CACNB2: variants seen among roughly 807,000 people sequenced by gnomAD.
CACNB2 encodes voltage-dependent L-type calcium channel subunit beta-2.
Under a neutral mutation model 73.3 loss-of-function variants are expected in CACNB2, and 42 were observed. The ratio of observed to expected loss-of-function variants is 0.57; its 90% CI spans 0.45 to 0.74. The LOEUF is 0.74. Ranked by LOEUF, CACNB2 falls within the 30% of genes least tolerant of loss-of-function variation. The pLI, the probability that CACNB2 is intolerant of heterozygous loss-of-function variation, is 0.00. For synonymous variants in CACNB2, 348 were observed against 310.3 expected (o/e 1.12, Z -1.28); for missense variants, 940 against 853.0 (o/e 1.10, Z -1.27).
intron 3 of CACNB2, among the ~76,000 whole-genome samples, chr10:18,484,279 A>G (rs1209764144): frequency 6.6e-6 from 1 of 151,988 alleles, no homozygotes; most frequent in Non-Finnish European, 1.5e-5. Flanking sequence ...CTATAATCCC[A>G]GCTACTTGGG....
chr10:18,337,285 A>G (rs1031438045), intron 2 of CACNB2, among the ~76,000 whole-genome samples: 1 of 152,028 alleles, frequency 6.6e-6, no homozygotes, highest in African/African-American at 2.4e-5. Flanking sequence ...ATGCACCACT[A>G]TGCCTGAGGT....
intron 2 of CACNB2, among the ~76,000 whole-genome samples, chr10:18,305,832 A>G (rs1054698031): frequency 6.6e-6 from 1 of 152,128 alleles, no homozygotes; most frequent in Non-Finnish European, 1.5e-5. Flanking sequence ...TCACGTGTTA[A>G]GAGGCTGCAT....
At chr10:18,168,567 A>T (rs2033025546) in intron 2 of CACNB2, among the ~76,000 whole-genome samples, 1 of 151,522 alleles carries the variant, frequency 6.6e-6, no homozygotes, top group Admixed American at 6.6e-5. Flanking sequence ...TAAGGAGCTA[A>T]ATTTTGAATA....
At chr10:18,319,552 C>T (rs955686283) in intron 2 of CACNB2, among the ~76,000 whole-genome samples, 11 of 152,062 alleles carry the variant, frequency 7.2e-5, no homozygotes, top group African/African-American at 2.4e-4. Context: ...CACCATGGCA[C>T]ATGCATACCT....
At chr10:18,453,853 T>C (rs1487848652) in intron 3 of CACNB2, among the ~76,000 whole-genome samples, 1 of 152,168 alleles carries the variant, frequency 6.6e-6, no homozygotes, top group Non-Finnish European at 1.5e-5. Context: ...CTCCTGTTTG[T>C]CAAACTTCTG....
At position 18,538,234 on chromosome 10, in the gene CACNB2, C is replaced by T. The variant is rs145638628; in HGVS notation, c.1357C>T (p.Leu453Phe). The T allele has an allele frequency of 5.2e-4, 843 of 1,614,012 alleles. No homozygotes were observed. The highest frequency in any genetic ancestry group is 6.7e-4 in the Non-Finnish European group (796 of 1,180,018). The change falls in exon 13 of 14, where the codon CTT becomes TTT. Residue 453 changes from leucine (L) to phenylalanine (F), a missense_variant. By Grantham distance (22) the Leu-to-Phe change is conservative. Transcript: ENST00000324631. ...ENQLEDACEH[L>F]ADYLEAYWKA... ...CCAGCTTGAGGATGCCTGTGAGCAC[C>T]TTGCCGACTATCTGGAGGCCTACTG...
intron 1 of CACNB2, among the ~76,000 whole-genome samples, chr10:18,143,914 T>C (rs1317058800): frequency 6.6e-6 from 1 of 152,202 alleles, no homozygotes; most frequent in Non-Finnish European, 1.5e-5. Flanking sequence ...AAGCAGAAGA[T>C]GTAGATTTGC....
intron 2 of CACNB2, among the ~76,000 whole-genome samples, chr10:18,173,787 G>T (rs2033406060): frequency 1.3e-5 from 2 of 152,156 alleles, no homozygotes; most frequent in Admixed American, 6.5e-5. Context: ...GTTTGTATCT[G>T]GTGGTAGGGC....
chr10:18,500,740 G>A lies in CACNB2; in HGVS notation c.457-72G>A, dbSNP rs1172640162. On this transcript the variant is annotated intron_variant, in intron 4 of 13. Transcript: ENST00000324631. ...GGTCATTGCCATATTTCTCTCGACTGAAAATAGTGTGGAAGAACAAGGATT... is the reference window on the plus strand; with the variant it reads ...GGTCATTGCCATATTTCTCTCGACTAAAAATAGTGTGGAAGAACAAGGATT... 3 of 1,475,420 alleles carry A rather than the reference G, an allele frequency of 2.0e-6. No homozygotes were observed. The East Asian group carries it at 6.8e-5, about 33-fold the overall frequency. 91.4% of individuals were successfully genotyped at this position (1,475,420 alleles called of 1,614,324 possible). A position where few individuals can be genotyped will look rare whatever the true frequency, so the allele number is the denominator to read the frequency against.
At chr10:18,509,135 A>G (rs1349354662) in intron 6 of CACNB2, among the ~76,000 whole-genome samples, 1 of 152,256 alleles carries the variant, frequency 6.6e-6, no homozygotes. Context: ...CAATTTTTAT[A>G]TCAATAGCTC....
intron 2 of CACNB2, among the ~76,000 whole-genome samples, chr10:18,399,328 C>G (rs550537231): frequency 5.9e-5 from 9 of 152,142 alleles, no homozygotes; most frequent in East Asian, 1.9e-4. Context: ...TTTGCTTGAA[C>G]GAAGAGTTTG....
At chr10:18,450,834 A>C (rs2046987410) in intron 3 of CACNB2, among the ~76,000 whole-genome samples, 1 of 151,876 alleles carries the variant, frequency 6.6e-6, no homozygotes, top group African/African-American at 2.4e-5. Flanking sequence ...GACGGGTTTC[A>C]CCATGTTGGC....
intron 2 of CACNB2, among the ~76,000 whole-genome samples, chr10:18,397,563 A>C (rs2043776581): frequency 1.3e-5 from 2 of 152,138 alleles, no homozygotes; most frequent in South Asian, 4.2e-4. Context: ...AAAAATACAA[A>C]AATTAGCCGA....
chr10:18,250,725 C>A (rs546510083), intron 2 of CACNB2, among the ~76,000 whole-genome samples: 5 of 152,156 alleles, frequency 3.3e-5, no homozygotes, highest in Non-Finnish European at 7.3e-5. Flanking sequence ...GAAACAAGAT[C>A]CATCTTTGGC....
At chr10:18,340,477 A>T (rs1421035737) in intron 2 of CACNB2, among the ~76,000 whole-genome samples, 3 of 152,202 alleles carry the variant, frequency 2.0e-5, no homozygotes, top group Non-Finnish European at 2.9e-5. Flanking sequence ...TTTGAATGCT[A>T]ACAGCTTATC....
intron 2 of CACNB2, among the ~76,000 whole-genome samples, chr10:18,352,855 A>T (rs991649137): frequency 6.6e-6 from 1 of 152,226 alleles, no homozygotes; most frequent in Non-Finnish European, 1.5e-5. Flanking sequence ...TTGTATCAAT[A>T]AAAGCTGTGA....
intron 3 of CACNB2, among the ~76,000 whole-genome samples, chr10:18,452,970 A>G (rs756475109): frequency 1.2e-4 from 19 of 152,176 alleles, no homozygotes; most frequent in Non-Finnish European, 2.6e-4. Context: ...TAAAAATCTC[A>G]TCTCCGCTGA....
At chr10:18,386,994 T>A (rs1261481823) in intron 2 of CACNB2, among the ~76,000 whole-genome samples, 1 of 152,230 alleles carries the variant, frequency 6.6e-6, no homozygotes. Flanking sequence ...ATTCCCTTCA[T>A]AATTAAACGC....
intron 3 of CACNB2, among the ~76,000 whole-genome samples, chr10:18,464,431 A>AAAAAAAAAAAAAAAAAAAAAAAAC (rs2047761105): frequency 6.7e-6 from 1 of 149,176 alleles, no homozygotes; most frequent in Non-Finnish European, 1.5e-5. Flanking sequence ...AAAAAAAAAA[A>AAAAAAAAAAAAAAAAAAAAAAAAC]AAAAAAAAAG....
Sources: gnomAD v4.1 joint callset for allele counts (sites outside exome capture counted in the v4.1 genomes callset) on GRCh38, gnomAD v4.1.1 for gene constraint, MANE v1.5 for transcripts, NCBI Gene and HGNC (gene_info 2026-07-23, HGNC 2026-07-21) for gene names.